Variants in TACC2 observed in about 807,000 individuals in gnomAD.
TACC2 encodes the protein transforming acidic coiled-coil-containing protein 2.
Under a neutral mutation model 227.3 loss-of-function variants are expected in TACC2, and 137 were observed. The ratio of observed to expected loss-of-function variants is 0.60; its 90% CI spans 0.52 to 0.69. TACC2 has a LOEUF of 0.69. Ranked by LOEUF, TACC2 falls within the 30% of genes least tolerant of loss-of-function variation. The pLI is 0.00. For synonymous variants in TACC2, 1,523 were observed against 1,487.5 expected (o/e 1.02, Z -0.55); for missense variants, 3,470 against 3,694.4 (o/e 0.94, Z 1.57).
chr10:122,252,325 G>A (rs772583005), intron 22 of TACC2, among the ~76,000 whole-genome samples: 19 of 152,060 alleles, frequency 1.2e-4, no homozygotes, highest in Non-Finnish European at 2.2e-4. Context: ...GAAAAATGAG[G>A]ATAATACTGG....
intron 14 of TACC2, 116 bp downstream of exon 14, chr10:122,228,124 C>A: frequency 9.0e-7 from 1 of 1,108,764 alleles, no homozygotes; most frequent in Non-Finnish European, 1.3e-6. Context: ...GCCATGGGTC[C>A]CACCCTGACT....
In TACC2 at chr10:122,094,736, C is replaced by T. The variant is rs552551401; in HGVS notation, c.5573+6145C>T. Among the ~76,000 whole-genome samples, 4 of 152,320 alleles carry T rather than the reference C, an allele frequency of 2.6e-5. No homozygotes were observed. The South Asian group carries it at 6.2e-4, about 24-fold the overall frequency. On this transcript the variant is annotated intron_variant, in intron 5 of 22. Transcript: ENST00000369005. The stretch of plus-strand genomic sequence containing the variant: ...CTCCAGAGCTTGGGAGCCTCTCTGC[C>T]GCTTGTCCCCTGTTCATGCTGCACT...
intron 1 of TACC2, among the ~76,000 whole-genome samples, chr10:122,011,186 T>G (rs1010477322): frequency 3.3e-5 from 5 of 150,660 alleles, no homozygotes; most frequent in East Asian, 1.9e-4. Context: ...TAGACAGGGA[T>G]GCAGGGTCAG....
intron 7 of TACC2, among the ~76,000 whole-genome samples, chr10:122,187,031 G>T (rs1593086349): frequency 1.3e-5 from 2 of 152,188 alleles, no homozygotes; most frequent in African/African-American, 4.8e-5. Flanking sequence ...GGGTGTGGGG[G>T]CCGGCTTAGT....
At chr10:122,153,153 G>C (rs558032680) in intron 7 of TACC2, among the ~76,000 whole-genome samples, 9 of 152,030 alleles carry the variant, frequency 5.9e-5, no homozygotes, top group East Asian at 1.9e-4. Flanking sequence ...AGGTCACCAC[G>C]CCCGGCTAAG....
chr10:122,074,295 G>A (rs188490784), intron 3 of TACC2, among the ~76,000 whole-genome samples: 179 of 151,174 alleles, frequency 1.2e-3, no homozygotes, highest in African/African-American at 4.2e-3. Flanking sequence ...TAACCAGGCT[G>A]TCTTGAACTC....
At chr10:122,114,406 G>C (rs1418464014) in intron 5 of TACC2, among the ~76,000 whole-genome samples, 26 of 152,340 alleles carry the variant, frequency 1.7e-4, no homozygotes, top group Non-Finnish European at 2.9e-5. Flanking sequence ...AGTGTTTTTA[G>C]GGTTGACAGT....
At chr10:121,995,386 T>C (rs1470014228) in intron 1 of TACC2, among the ~76,000 whole-genome samples, 1 of 152,232 alleles carries the variant, frequency 6.6e-6, no homozygotes, top group Non-Finnish European at 1.5e-5. Flanking sequence ...TGTGTGTATG[T>C]ACTGTTTCAT....
intron 5 of TACC2, among the ~76,000 whole-genome samples, chr10:122,106,186 C>T (rs888492870): frequency 2.0e-5 from 3 of 151,432 alleles, no homozygotes; most frequent in Non-Finnish European, 2.9e-5. Context: ...CGGGGTTTTG[C>T]CATGTTCGCC....
At chr10:121,992,699 A>G (rs116429514) in intron 1 of TACC2, among the ~76,000 whole-genome samples, 1,524 of 152,322 alleles carry the variant, frequency 0.01, 25 homozygotes, top group African/African-American at 0.035. Context: ...TTACGCCTGT[A>G]ATCCTAGCAT....
intron 11 of TACC2, among the ~76,000 whole-genome samples, chr10:122,224,502 C>T (rs913071255): frequency 1.3e-5 from 2 of 152,184 alleles, no homozygotes; most frequent in African/African-American, 4.8e-5. Context: ...TCCCTAATGG[C>T]AGAAGCCCCT....
chr10:122,241,369 G>A (rs1365267600), intron 18 of TACC2, among the ~76,000 whole-genome samples: 2 of 152,150 alleles, frequency 1.3e-5, no homozygotes, highest in Admixed American at 1.3e-4. Flanking sequence ...ATAGCTCACT[G>A]TAGCCTCAGA....
chr10:122,162,195 G>C (rs2092858808), intron 7 of TACC2, among the ~76,000 whole-genome samples: 1 of 152,058 alleles, frequency 6.6e-6, no homozygotes, highest in African/African-American at 2.4e-5. Context: ...TGATCCTCTG[G>C]CATTCTGTTT....
At chr10:122,052,542 G>C (rs1190127665) in intron 3 of TACC2, 1 of 151,992 alleles carries the variant, frequency 6.6e-6, no homozygotes, top group Non-Finnish European at 1.5e-5. Flanking sequence ...AATTAGCCAG[G>C]CGTGGTGGCG....
chr10:122,140,406 A>G (rs1474213790), intron 6 of TACC2, among the ~76,000 whole-genome samples: 1 of 152,104 alleles, frequency 6.6e-6, no homozygotes, highest in Non-Finnish European at 1.5e-5. Context: ...AAATATAAAC[A>G]CTCTACATGA....
At position 122,073,165 on chromosome 10, in the gene TACC2, ACG is replaced by A. The variant is rs1483906912; in HGVS notation, c.147-9480_147-9479del. ...TATATATATATATACACACACACACACGCATACATGAGATGAGCTCACTTTAA... is the reference window on the plus strand; with the variant it reads ...TATATATATATATACACACACACACACATACATGAGATGAGCTCACTTTAA... On this transcript the variant is annotated intron_variant, in intron 3 of 22. Coordinates refer to ENST00000369005, the MANE Select transcript of TACC2 (RefSeq NM_206862.4). Among the ~76,000 whole-genome samples the A allele has an allele frequency of 6.2e-3, 870 of 140,384 alleles. 10 individuals carry two copies. The highest frequency in any genetic ancestry group is 0.021 in the African/African-American group (812 of 37,976). The allele number at this position is 140,384 out of a possible 152,430, so 92.1% of individuals were successfully genotyped here. A position where few individuals can be genotyped will look rare whatever the true frequency, so the allele number is the denominator to read the frequency against.
intron 2 of TACC2, among the ~76,000 whole-genome samples, chr10:122,035,501 C>G (rs17102893): frequency 6.6e-6 from 1 of 152,082 alleles, no homozygotes; most frequent in East Asian, 1.9e-4. Flanking sequence ...GTGATCTGCT[C>G]GAATGAAGCT....
At chr10:122,217,852 C>T (rs1221995660) in intron 11 of TACC2, among the ~76,000 whole-genome samples, 1 of 152,192 alleles carries the variant, frequency 6.6e-6, no homozygotes, top group Non-Finnish European at 1.5e-5. Context: ...CCCATTTTCT[C>T]CTCCAGCCAC....
At chr10:122,153,778 G>A (rs1275658444) in intron 7 of TACC2, among the ~76,000 whole-genome samples, 1 of 152,188 alleles carries the variant, frequency 6.6e-6, no homozygotes, top group Non-Finnish European at 1.5e-5. Context: ...ATGAGAAAAC[G>A]GAAGCACAGA....
Sources: gnomAD v4.1 joint callset for allele counts (sites outside exome capture counted in the v4.1 genomes callset) on GRCh38, gnomAD v4.1.1 for gene constraint, MANE v1.5 for transcripts, NCBI Gene and HGNC (gene_info 2026-07-23, HGNC 2026-07-21) for gene names.